ATF2: variants seen among roughly 807,000 people sequenced by gnomAD.
ATF2 encodes the protein activating transcription factor 2, also known as cyclic AMP-dependent transcription factor ATF-2.
ATF2 carries 24 observed loss-of-function variants against 60.6 expected under a neutral mutation model. The ratio of observed to expected loss-of-function variants is 0.40; its 90% CI spans 0.29 to 0.56. The LOEUF is 0.56. Among genes scored for constraint, ATF2 ranks in the 20% least tolerant of loss-of-function variants. The pLI is 0.54. For synonymous variants in ATF2, 206 were observed against 215.4 expected (o/e 0.96, Z 0.38); for missense variants, 433 against 607.7 (o/e 0.71, Z 3.02).
intron 2 of ATF2, among the ~76,000 whole-genome samples, chr2:175,143,861 T>C (rs1698764379): frequency 6.6e-6 from 1 of 152,096 alleles, no homozygotes; most frequent in African/African-American, 2.4e-5. Context: ...GGCATGATCA[T>C]GGTTCACTAC....
intron 11 of ATF2, among the ~76,000 whole-genome samples, chr2:175,095,466 T>C (rs1694871684): frequency 6.6e-6 from 1 of 152,232 alleles, no homozygotes. Flanking sequence ...TTTTTGTTTT[T>C]AATTGATTTA....
At chr2:175,087,875 G>T (rs1189060887) in intron 12 of ATF2, among the ~76,000 whole-genome samples, 1 of 152,092 alleles carries the variant, frequency 6.6e-6, no homozygotes, top group Non-Finnish European at 1.5e-5. Context: ...AAATGAATGG[G>T]AATGACTCCT....
intron 12 of ATF2, among the ~76,000 whole-genome samples, chr2:175,082,920 A>G (rs1003176955): frequency 5.3e-5 from 8 of 152,296 alleles, no homozygotes; most frequent in Non-Finnish European, 2.9e-5. Context: ...AATAAAATAC[A>G]TAAGAATCCA....
intron 13 of ATF2, 81 bp downstream of exon 13, chr2:175,080,578 AT>A: frequency 9.5e-7 from 1 of 1,049,058 alleles, no homozygotes. Flanking sequence ...CACAGTCTCC[AT>A]TTTTAAAGTA....
chr2:175,094,554 G>C (rs944215092), intron 11 of ATF2, among the ~76,000 whole-genome samples: 6 of 151,848 alleles, frequency 4.0e-5, no homozygotes, highest in African/African-American at 1.5e-4. Flanking sequence ...TTTAAAAATG[G>C]TATGCACAAA....
chr2:175,105,857 A>C (rs1153679), intron 10 of ATF2, among the ~76,000 whole-genome samples: 5,033 of 152,290 alleles, frequency 0.033, 192 homozygotes, highest in African/African-American at 0.093. Flanking sequence ...AAAAGCCTTG[A>C]AATATTTGGA....
intron 3 of ATF2, among the ~76,000 whole-genome samples, chr2:175,132,223 G>A (rs527898065): frequency 6.6e-6 from 1 of 152,294 alleles, no homozygotes; most frequent in South Asian, 2.1e-4. Flanking sequence ...CCTGGTACAG[G>A]CATATCTCAT....
chr2:175,117,380 CTCTT>C (rs1696653611), intron 7 of ATF2, among the ~76,000 whole-genome samples: 1 of 152,002 alleles, frequency 6.6e-6, no homozygotes, highest in Non-Finnish European at 1.5e-5. Flanking sequence ...TTGCCACTGC[CTCTT>C]TATGTGTCCC....
chr2:175,099,708 G>A (rs1695181863), intron 10 of ATF2, among the ~76,000 whole-genome samples: 1 of 152,156 alleles, frequency 6.6e-6, no homozygotes, highest in Admixed American at 6.5e-5. Context: ...TAATTGTATA[G>A]TATCCCCATT....
chr2:175,154,101 C>G (rs952065472), intron 1 of ATF2, among the ~76,000 whole-genome samples: 2 of 151,052 alleles, frequency 1.3e-5, no homozygotes, highest in African/African-American at 4.9e-5. Context: ...GTAATCCCAG[C>G]TACTCAGGAG....
At chr2:175,095,653 T>A (rs544378009) in intron 11 of ATF2, among the ~76,000 whole-genome samples, 38 of 152,258 alleles carry the variant, frequency 2.5e-4, no homozygotes, top group East Asian at 1.5e-3. Context: ...ATTCAGAAAA[T>A]CCTTATAGGA....
chr2:175,144,941 T>TATTG (rs1355981898), intron 2 of ATF2, among the ~76,000 whole-genome samples: 1 of 152,186 alleles, frequency 6.6e-6, no homozygotes, highest in African/African-American at 2.4e-5. Flanking sequence ...AATACGTGGA[T>TATTG]ATTGATCAAA....
chr2:175,080,504 CCT>C, intron 13 of ATF2, 154 bp downstream of exon 13: 1 of 485,188 alleles, frequency 2.1e-6, no homozygotes, highest in Non-Finnish European at 3.5e-6. Context: ...AAAAATTATA[CCT>C]CTCTACTGCA....
intron 7 of ATF2, 37 bp downstream of exon 7, chr2:175,117,953 T>A: frequency 1.9e-6 from 3 of 1,567,052 alleles, no homozygotes; most frequent in Non-Finnish European, 2.6e-6. Flanking sequence ...TGGGTACTGT[T>A]CCTCCCCCTT....
At chr2:175,076,424 AGATT>A (rs1235085198) in intron 13 of ATF2, among the ~76,000 whole-genome samples, 1 of 152,086 alleles carries the variant, frequency 6.6e-6, no homozygotes, top group Non-Finnish European at 1.5e-5. Context: ...AAAAAATTAT[AGATT>A]CAGATGGTAC....
intron 3 of ATF2, 24 bp from the exon 4 acceptor site, chr2:175,130,231 T>C (rs201909747): frequency 1.4e-6 from 2 of 1,388,350 alleles, no homozygotes; most frequent in Non-Finnish European, 1.9e-6. Flanking sequence ...GAAGACACTT[T>C]AGAGTACATA....
At chr2:175,078,216 C>T (rs1430655932) in intron 13 of ATF2, among the ~76,000 whole-genome samples, 1 of 152,166 alleles carries the variant, frequency 6.6e-6, no homozygotes, top group Non-Finnish European at 1.5e-5. Context: ...AACAATCTTC[C>T]CGCCTTGGCC....
At chr2:175,142,714 AGAGAGAGT>A (rs766091195) in intron 2 of ATF2, among the ~76,000 whole-genome samples, 1,494 of 124,524 alleles carry the variant, frequency 0.012, 11 homozygotes, top group South Asian at 0.047. Context: ...AGAGAGAGAG[AGAGAGAGT>A]GTGTGTGTGT....
rs1256677860 is a variant in ATF2, at chr2:175,097,700, C to G, written c.829-107G>C. The G allele has an allele frequency of 5.2e-6, 6 of 1,153,474 alleles. No homozygotes were observed. The South Asian group carries it at 8.5e-5, about 16-fold the overall frequency. The allele number at this position is 1,153,474 out of a possible 1,614,324, so 71.5% of individuals were successfully genotyped here. A position where few individuals can be genotyped will look rare whatever the true frequency, so the allele number is the denominator to read the frequency against. On this transcript the variant is annotated intron_variant, in intron 10 of 13. Transcript: ENST00000264110. The stretch of plus-strand genomic sequence containing the variant: ...TGGGTAGTTTCCCTGAGTCCTTTTG[C>G]CTAGTACTACTAGAGGATTCTGTAT...
Sources: allele counts gnomAD v4.1 joint callset (sites outside exome capture counted in the v4.1 genomes callset), GRCh38; gene constraint gnomAD v4.1.1; transcripts MANE v1.5; gene names NCBI Gene and HGNC (gene_info 2026-07-23, HGNC 2026-07-21).